The following ACER3 variants were observed in gnomAD, a reference collection of about 807,000 sequenced individuals.
ACER3 encodes alkCDase 3.
In ACER3, 16 loss-of-function variants were observed where a neutral mutation model predicts 48.9. The ratio of observed to expected loss-of-function variants is 0.33; its 90% CI spans 0.22 to 0.50. The LOEUF (loss-of-function observed/expected upper bound fraction) is 0.50, where lower values mean the gene tolerates loss of function less well. Ranked by LOEUF, ACER3 falls within the 20% of genes least tolerant of loss-of-function variation. The pLI is 0.98. For synonymous variants in ACER3, 109 were observed against 107.8 expected (o/e 1.01, Z -0.07); for missense variants, 227 against 326.0 (o/e 0.70, Z 2.34).
intron 1 of ACER3, 61 bp downstream of exon 1, chr11:76,861,140 G>A: frequency 6.8e-7 from 1 of 1,475,504 alleles, no homozygotes; most frequent in South Asian, 1.2e-5. Flanking sequence ...GAGACGCCGT[G>A]TGAGGAAGGC....
At chr11:76,862,081 G>C (rs1346431002) in intron 1 of ACER3, among the ~76,000 whole-genome samples, 4 of 152,202 alleles carry the variant, frequency 2.6e-5, no homozygotes, top group Admixed American at 6.5e-5. Flanking sequence ...TTCTGGCAAA[G>C]TGCAAAGACT....
chr11:77,010,389 T>C (rs1949238570), intron 7 of ACER3, among the ~76,000 whole-genome samples: 1 of 148,724 alleles, frequency 6.7e-6, no homozygotes, highest in Non-Finnish European at 1.5e-5. Context: ...TGAATTGAAG[T>C]GTTTAAAAGA....
chr11:77,020,331 A>G lies in ACER3; in HGVS notation c.*4A>G. ...TGAGCCTCTCAGGAAGCATTGATGA[A>G]TCATTCCACCAAGAAAACAAACAAG... On this transcript the variant is annotated 3_prime_UTR_variant, in exon 11 of 11. Coordinates refer to ENST00000532485, the MANE Select transcript of ACER3 (RefSeq NM_018367.7). 2 of 1,613,324 alleles carry G rather than the reference A, an allele frequency of 1.2e-6. No individual in the cohort carries two copies. Among genetic ancestry groups the G allele is most frequent in the Non-Finnish European group, 1.7e-6 (2 of 1,179,816 alleles).
intron 3 of ACER3, among the ~76,000 whole-genome samples, chr11:76,975,865 TTTTC>T (rs1388734335): frequency 1.2e-3 from 170 of 142,080 alleles, no homozygotes; most frequent in Non-Finnish European, 1.9e-3. Context: ...TGAAACCTTT[TTTTC>T]TTTTCTTTTT....
At chr11:76,873,307 A>G (rs1239290237) in intron 1 of ACER3, among the ~76,000 whole-genome samples, 2 of 152,190 alleles carry the variant, frequency 1.3e-5, no homozygotes, top group African/African-American at 4.8e-5. Context: ...GTATTTTTAT[A>G]TCTTTTCTCA....
chr11:76,959,334 C>T (rs971506525), intron 3 of ACER3: 1 of 783,666 alleles, frequency 1.3e-6, no homozygotes, highest in African/African-American at 1.8e-5. Flanking sequence ...ATCAGTTCAC[C>T]AGAACAATAT....
At chr11:77,018,616 A>C (rs1949416974) in intron 9 of ACER3, among the ~76,000 whole-genome samples, 1 of 152,248 alleles carries the variant, frequency 6.6e-6, no homozygotes. Flanking sequence ...AAGTTCTTGA[A>C]GGAAATTAAA....
chr11:76,971,669 C>T (rs1306302098), intron 3 of ACER3, among the ~76,000 whole-genome samples: 1 of 152,148 alleles, frequency 6.6e-6, no homozygotes. Flanking sequence ...TTTATACCAT[C>T]TTGAGGTCAC....
intron 1 of ACER3, among the ~76,000 whole-genome samples, chr11:76,917,477 G>A (rs1485221769): frequency 2.0e-5 from 3 of 152,088 alleles, no homozygotes; most frequent in African/African-American, 7.2e-5. Flanking sequence ...ACTTTGGGGG[G>A]CTGAGGTGGG....
chr11:77,009,601 G>A (rs1555021684), intron 7 of ACER3, among the ~76,000 whole-genome samples: 1 of 152,168 alleles, frequency 6.6e-6, no homozygotes, highest in African/African-American at 2.4e-5. Flanking sequence ...CTTGAGCCCA[G>A]GCATTCAAGA....
In ACER3 at chr11:76,976,334, T is replaced by C; in HGVS notation, c.313T>C (p.Tyr105His). ...PMIYSCCIFV[Y>H]CMFECFKIKN... ...GATATACAGCTGTTGCATATTTGTG[T>C]ACTGCATGTAAGTACTTTTAAAATT... Residue 105 changes from tyrosine to histidine, a missense_variant, in exon 4 of 11, where the codon TAC (tyrosine) becomes CAC (histidine). Physicochemically the swap from Tyr to His is moderately conservative, Grantham distance 83. Coordinates refer to ENST00000532485, the MANE Select transcript of ACER3 (RefSeq NM_018367.7). 10 of 1,596,072 alleles carry C rather than the reference T, an allele frequency of 6.3e-6. No homozygotes were observed. Among genetic ancestry groups the C allele is most frequent in the Non-Finnish European group, 8.6e-6 (10 of 1,168,338 alleles).
intron 4 of ACER3, 29 bp downstream of exon 4, chr11:76,976,370 A>C (rs750467639): frequency 4.9e-6 from 7 of 1,420,984 alleles, no homozygotes; most frequent in Non-Finnish European, 2.9e-6. Flanking sequence ...TCATTGTTTG[A>C]TTTATTTTTA....
chr11:76,916,890 C>G (rs1027206826), intron 1 of ACER3, among the ~76,000 whole-genome samples: 2 of 152,196 alleles, frequency 1.3e-5, no homozygotes, highest in Admixed American at 6.5e-5. Context: ...TGATCCTTCT[C>G]TAAAGCAGCA....
intron 1 of ACER3, chr11:76,868,179 T>C: frequency 1.6e-6 from 2 of 1,289,810 alleles, no homozygotes; most frequent in Non-Finnish European, 2.0e-6. Flanking sequence ...ACATCAGGCT[T>C]CTTTTTTGGT....
chr11:76,948,640 G>A (rs1271847884), intron 2 of ACER3, among the ~76,000 whole-genome samples: 1 of 152,176 alleles, frequency 6.6e-6, no homozygotes, highest in Non-Finnish European at 1.5e-5. Context: ...CTGATGCCTT[G>A]ACACTTTATG....
chr11:76,916,754 C>A (rs1027152772), intron 1 of ACER3, among the ~76,000 whole-genome samples: 2 of 152,148 alleles, frequency 1.3e-5, no homozygotes, highest in Admixed American at 6.5e-5. Context: ...TTGAATAAAT[C>A]AAAAATGTTC....
intron 1 of ACER3, among the ~76,000 whole-genome samples, chr11:76,894,265 C>A (rs759392424): frequency 5.9e-5 from 9 of 152,304 alleles, no homozygotes; most frequent in Non-Finnish European, 1.3e-4. Flanking sequence ...GGAGACAGAG[C>A]TAGACCCTGT....
intron 3 of ACER3, among the ~76,000 whole-genome samples, chr11:76,975,994 T>G (rs1412487390): frequency 6.6e-6 from 1 of 150,834 alleles, no homozygotes; most frequent in African/African-American, 2.4e-5. Context: ...ATCCTTTTGC[T>G]TCAGCCTCCC....
chr11:77,019,640 C>A, intron 9 of ACER3, 91 bp from the exon 10 acceptor site: 3 of 1,261,998 alleles, frequency 2.4e-6, no homozygotes, highest in Non-Finnish European at 3.5e-6. Context: ...TTCGTACATG[C>A]AGAAGCACTA....
Sources: allele counts gnomAD v4.1 joint callset (sites outside exome capture counted in the v4.1 genomes callset), GRCh38; gene constraint gnomAD v4.1.1; transcripts MANE v1.5; gene names NCBI Gene and HGNC (gene_info 2026-07-23, HGNC 2026-07-21).